The following PTPRS variants were observed in gnomAD, a reference collection of about 807,000 sequenced individuals.
PTPRS encodes protein tyrosine phosphatase receptor type S.
PTPRS carries 63 observed loss-of-function variants against 215.3 expected under a neutral mutation model. The observed-to-expected ratio is 0.29, with a 90% CI of 0.24 to 0.36. PTPRS has a LOEUF of 0.36. PTPRS is among the 10% of genes least tolerant of loss of function. PTPRS has a pLI of 1.00. For synonymous variants in PTPRS, 1,404 were observed against 1,191.4 expected (o/e 1.18, Z -3.68); for missense variants, 2,258 against 2,825.8 (o/e 0.80, Z 4.56).
chr19:5,244,502 G>A lies in PTPRS; in HGVS notation c.989-20C>T. ...GGAGAGCTGTGGGCAGGAGGCAGCT[G>A]TGTCACGCATTGGGCACATTGGTTG... On this transcript the variant is annotated intron_variant, in intron 10 of 37. Coordinates refer to ENST00000262963, the MANE Select transcript of PTPRS (RefSeq NM_002850.4). This position sits in a 1 kb window ranked among gnomAD's most constrained non-coding sequence, Gnocchi z 7.2. 1 of 1,601,540 alleles carries A rather than the reference G, an allele frequency of 6.2e-7. No individual in the cohort carries two copies. The highest frequency in any genetic ancestry group is 8.5e-7 in the Non-Finnish European group (1 of 1,171,530).
chr19:5,278,895 A>T (rs1206170961), intron 2 of PTPRS, among the ~76,000 whole-genome samples: 2 of 152,074 alleles, frequency 1.3e-5, no homozygotes, highest in Non-Finnish European at 2.9e-5. Flanking sequence ...ACGATTTTTT[A>T]AAATGAAAAA....
Position 5,205,547 on chromosome 19 carries a change from A to T in PTPRS, c.*1227T>A, listed in dbSNP as rs1308426546. On this transcript the variant is annotated 3_prime_UTR_variant, in exon 38 of 38. Transcript: ENST00000262963. ...TTTAATACAAAGTCGATATATCTAC[A>T]TACACGGGGGTGGGAAAACCACCCG... is the stretch of plus-strand genomic sequence containing the variant. 6.6e-6 allele frequency among the ~76,000 whole-genome samples: 1 copy of T among 152,238 alleles called. No individual in the cohort carries two copies. Among genetic ancestry groups the T allele is most frequent in the African/African-American group, 2.4e-5 (1 of 41,456 alleles).
chr19:5,228,301 C>T (rs1367380680), intron 16 of PTPRS, among the ~76,000 whole-genome samples: 1 of 141,854 alleles, frequency 7.0e-6, no homozygotes, highest in Non-Finnish European at 1.5e-5. Flanking sequence ...GCCGAGATGG[C>T]GCCACTGTAC....
At chr19:5,267,719 GC>G (rs369115102) in intron 4 of PTPRS, among the ~76,000 whole-genome samples, 1 of 50,934 alleles carries the variant, frequency 2.0e-5, no homozygotes, top group Non-Finnish European at 4.2e-5. Context: ...GTGCCCCCCC[GC>G]CCCCCCAACT....
chr19:5,218,116 AG>A (rs2041648399), intron 25 of PTPRS, among the ~76,000 whole-genome samples: 1 of 151,900 alleles, frequency 6.6e-6, no homozygotes, highest in African/African-American at 2.4e-5. Context: ...CAAAGAAATG[AG>A]GGGTTTATTT....
rs1037074950 is a variant in PTPRS at position 5,339,793 on chromosome 19, C to A, written c.-95+871G>T. Among the ~76,000 whole-genome samples the A allele has an allele frequency of 6.6e-6, 1 of 151,598 alleles. No homozygotes were observed. The highest frequency in any genetic ancestry group is 1.5e-5 in the Non-Finnish European group (1 of 67,808). On this transcript the variant is annotated intron_variant, in intron 1 of 37. Transcript: ENST00000262963. This position sits in a 1 kb window ranked among gnomAD's most constrained non-coding sequence, Gnocchi z 4.2. ...AGCCCCCGGGGGCTCCCGGGGCGTGCGGAACCCGCGGGGCTGGCGGTTCCA... is the reference window on the plus strand; with the variant it reads ...AGCCCCCGGGGGCTCCCGGGGCGTGAGGAACCCGCGGGGCTGGCGGTTCCA...
intron 9 of PTPRS, among the ~76,000 whole-genome samples, chr19:5,248,533 C>T (rs1172098885): frequency 2.6e-5 from 4 of 152,128 alleles, no homozygotes; most frequent in East Asian, 1.9e-4. Context: ...GTCTTGGCCA[C>T]GGGTTTGGGG....
intron 1 of PTPRS, among the ~76,000 whole-genome samples, chr19:5,298,144 G>A (rs1250106486): frequency 2.0e-5 from 3 of 152,092 alleles, no homozygotes; most frequent in South Asian, 2.1e-4. Context: ...TCTTTCGTTC[G>A]ATGGGGATCA....
intron 1 of PTPRS, among the ~76,000 whole-genome samples, chr19:5,296,630 C>T (rs984661325): frequency 2.7e-5 from 4 of 146,374 alleles, no homozygotes; most frequent in South Asian, 4.6e-4. Context: ...GCAAAGGCCC[C>T]GGGGCAGCAC....
chr19:5,291,276 TTC>T (rs940573165), intron 1 of PTPRS, among the ~76,000 whole-genome samples: 13 of 152,084 alleles, frequency 8.5e-5, no homozygotes, highest in Non-Finnish European at 1.9e-4. Context: ...CCATTAAATG[TTC>T]TCTGTGTTTT....
At position 5,274,109 on chromosome 19, in the gene PTPRS, C is replaced by T. The variant is rs889924913; in HGVS notation, c.237+90G>A. ...CACAGATGATGCTCCACCTGGGGAA[C>T]GTGTCCACGAAGTCCACTGTGGCTG... On this transcript the variant is annotated intron_variant, in intron 3 of 37. Transcript: ENST00000262963. The T allele has an allele frequency of 6.6e-6, 10 of 1,504,286 alleles. 1 individual carries two copies. Among genetic ancestry groups the T allele is most frequent in the South Asian group, 5.1e-5 (4 of 78,130 alleles). 93.2% of individuals were successfully genotyped at this position (1,504,286 alleles called of 1,614,324 possible).
At chr19:5,316,640 G>C (rs1028433728) in intron 1 of PTPRS, among the ~76,000 whole-genome samples, 2 of 152,066 alleles carry the variant, frequency 1.3e-5, no homozygotes, top group African/African-American at 4.8e-5. Flanking sequence ...TGATCCACCC[G>C]CCTTGGCCTC....
At chr19:5,228,347 G>GGAAAAAAAAAAA (rs755255407) in intron 16 of PTPRS, among the ~76,000 whole-genome samples, 1 of 105,866 alleles carries the variant, frequency 9.4e-6, no homozygotes. Flanking sequence ...TCCGTCTGGA[G>GGAAAAAAAAAAA]AAAAAAAAAA....
rs571179657 is a variant in PTPRS, at chr19:5,252,779, C to G, written c.718+3329G>C. On this transcript the variant is annotated intron_variant, in intron 9 of 37. Transcript: ENST00000262963. ...ATCCCAGCTACTTGGGAGGCTGAGA[C>G]AGGAGAATCATTGAACCCAGGAGGA... 2.1e-3 allele frequency among the ~76,000 whole-genome samples: 284 copies of G among 134,010 alleles called. 3 individuals carry two copies. The highest frequency in any genetic ancestry group is 7.8e-3 in the African/African-American group (273 of 34,808). 87.9% of individuals were successfully genotyped at this position (134,010 alleles called of 152,430 possible).
rs1237664443 is a variant in PTPRS, at chr19:5,244,180, G to A, written c.1291C>T (p.Arg431Trp). The stretch of plus-strand genomic sequence containing the variant: ...CTGAGCATCCGGGCTTGCACGTTCC[G>A]CGGCGCGCTGGCCGGGGCCTGCTCG... ...TGEQAPASAP[R>W]NVQARMLSAT... is the part of the protein sequence containing the mutation. Residue 431 changes from arginine (R) to tryptophan (W), a missense_variant, in exon 11 of 38, where the codon CGG becomes TGG. Around this residue, in one of 6 missense-constraint regions of PTPRS, gnomAD observed 508 missense variants for 799.4 expected, o/e 0.64. Transcript: ENST00000262963. The surrounding 1 kb of genome is among the most constrained non-coding windows in gnomAD (Gnocchi z 7.2). The A allele has an allele frequency of 1.3e-6, 2 of 1,598,934 alleles. No individual in the cohort carries two copies. The highest frequency in any genetic ancestry group is 1.7e-6 in the Non-Finnish European group (2 of 1,172,032).
In PTPRS at chr19:5,206,478, AT is replaced by A. The variant is rs1166965351; in HGVS notation, c.*295del. On this transcript the variant is annotated 3_prime_UTR_variant, in exon 38 of 38. Transcript: ENST00000262963. ...TCCTCTGGTTCTGGGGAGCACTCCT[AT>A]TTGCTCACCATCCCCCCACCCCCCA... 2.5e-6 allele frequency: 1 copy of A among 394,154 alleles called. No individual in the cohort carries two copies. The highest frequency in any genetic ancestry group is 4.8e-6 in the Non-Finnish European group (1 of 208,920). The allele number at this position is 394,154 out of a possible 1,614,324, so 24.4% of individuals were successfully genotyped here. A position where few individuals can be genotyped will look rare whatever the true frequency, so the allele number is the denominator to read the frequency against.
chr19:5,220,355 T>TGTAGGGA lies in PTPRS; in HGVS notation c.3456-9_3456-3dup. ...GGCACCATCACAATGAAATAGCTCC[T>TGTAGGGA]GTAGGGAGATGGGAAAGAGTCAGAG... On this transcript the variant is annotated splice_polypyrimidine_tract_variant and splice_region_variant and intron_variant, in intron 20 of 37. Transcript: ENST00000262963. The TGTAGGGA allele has an allele frequency of 6.2e-7, 1 of 1,611,128 alleles. No homozygotes were observed. The highest frequency in any genetic ancestry group is 8.5e-7 in the Non-Finnish European group (1 of 1,177,898).
rs547689932 is a variant in PTPRS, at chr19:5,238,019, A to C, written c.1849+900T>G. On this transcript the variant is annotated intron_variant, in intron 13 of 37. Transcript: ENST00000262963. ...GACCATCATGACTGATTCTGGAAGA[A>C]AGCCTGGGGTGGCTACGCCGTGACT... Among the ~76,000 whole-genome samples, 5 of 152,220 alleles carry C rather than the reference A, an allele frequency of 3.3e-5. No homozygotes were observed. The East Asian group carries it at 9.7e-4, about 29-fold the overall frequency.
intron 1 of PTPRS, among the ~76,000 whole-genome samples, chr19:5,312,424 T>C (rs1020519894): frequency 6.6e-6 from 1 of 151,542 alleles, no homozygotes; most frequent in Non-Finnish European, 1.5e-5. Flanking sequence ...CTTTGGGAGG[T>C]TGAGGCAGGA....
Sources: gnomAD v4.1 joint callset for allele counts (sites outside exome capture counted in the v4.1 genomes callset) on GRCh38, gnomAD v4.1.1 for gene constraint, gnomAD v4.1.1 regional missense constraint, Gnocchi (gnomAD v3.1) non-coding constraint, MANE v1.5 for transcripts, NCBI Gene and HGNC (gene_info 2026-07-23, HGNC 2026-07-21) for gene names.